Variants in TRHR observed in about 807,000 individuals in gnomAD.
The protein encoded by TRHR is thyrotropin releasing hormone receptor.
TRHR carries 14 observed loss-of-function variants against 28.0 expected under a neutral mutation model. The ratio of observed to expected loss-of-function variants is 0.50; its 90% CI spans 0.33 to 0.78. The LOEUF (loss-of-function observed/expected upper bound fraction) is 0.78, where lower values mean the gene tolerates loss of function less well. Ranked by LOEUF, TRHR falls within the 30% of genes least tolerant of loss-of-function variation. TRHR has a pLI of 0.02. For missense variants in TRHR, 438 were observed against 469.5 expected, an observed-to-expected ratio of 0.93 and a Z score of 0.62; for synonymous variants, 176 against 171.9, an observed-to-expected ratio of 1.02 and a Z score of -0.18.
intron 2 of TRHR, among the ~76,000 whole-genome samples, chr8:109,109,592 T>G (rs1811799533): frequency 6.6e-6 from 1 of 152,186 alleles, no homozygotes; most frequent in Admixed American, 6.5e-5. Flanking sequence ...TCATCTAGTT[T>G]TTTCCATTCT....
chr8:109,098,715 G>A (rs938683221), intron 2 of TRHR, among the ~76,000 whole-genome samples: 1 of 152,086 alleles, frequency 6.6e-6, no homozygotes, highest in Non-Finnish European at 1.5e-5. Flanking sequence ...CTGCAAGCCA[G>A]CATGCAGACT....
intron 2 of TRHR, among the ~76,000 whole-genome samples, chr8:109,099,647 A>G (rs1025019506): frequency 2.6e-5 from 4 of 152,234 alleles, no homozygotes; most frequent in Non-Finnish European, 4.4e-5. Flanking sequence ...GGCCACATAC[A>G]TATGCACATG....
chr8:109,104,454 C>G (rs564438924), intron 2 of TRHR, among the ~76,000 whole-genome samples: 6 of 152,218 alleles, frequency 3.9e-5, no homozygotes, highest in African/African-American at 1.4e-4. Flanking sequence ...ATGCTATGCA[C>G]AAAAGCCTTT....
intron 2 of TRHR, among the ~76,000 whole-genome samples, chr8:109,110,704 C>G (rs531921948): frequency 6.6e-6 from 1 of 152,282 alleles, no homozygotes; most frequent in African/African-American, 2.4e-5. Flanking sequence ...GGTCTTCCCA[C>G]CATGAATCAT....
At chr8:109,098,470 T>C (rs1327515227) in intron 2 of TRHR, among the ~76,000 whole-genome samples, 1 of 152,106 alleles carries the variant, frequency 6.6e-6, no homozygotes, top group East Asian at 1.9e-4. Flanking sequence ...CTCCAGTTCT[T>C]CTTCCAGGGT....
In TRHR at chr8:109,087,948, A is replaced by G. The variant is rs1224508452; in HGVS notation, c.436A>G (p.Ile146Val). The change falls in exon 2 of 3, where the codon ATC (isoleucine) becomes GTC (valine). Residue 146 changes from isoleucine to valine, a missense_variant. By Grantham distance (29) the Ile-to-Val change is conservative. Coordinates refer to ENST00000518632, the MANE Select transcript of TRHR (RefSeq NM_003301.7). The part of the protein sequence containing the change: ...LCTFSRAKKI[I>V]IFVWAFTSLY... ...CACATTTTCCAGAGCCAAAAAGATT[A>G]TCATCTTTGTCTGGGCTTTCACATC... 9 of 1,614,034 alleles carry G rather than the reference A, an allele frequency of 5.6e-6. No homozygotes were observed. The highest frequency in any genetic ancestry group is 7.6e-6 in the Non-Finnish European group (9 of 1,180,044).
chr8:109,094,449 A>G (rs1811559743), intron 2 of TRHR, among the ~76,000 whole-genome samples: 1 of 151,944 alleles, frequency 6.6e-6, no homozygotes, highest in Non-Finnish European at 1.5e-5. Flanking sequence ...TATTTATTCC[A>G]ATGTCTGGGT....
At chr8:109,111,729 T>C (rs975225075) in intron 2 of TRHR, among the ~76,000 whole-genome samples, 3 of 152,220 alleles carry the variant, frequency 2.0e-5, no homozygotes, top group Admixed American at 1.3e-4. Flanking sequence ...GTCAGGCATA[T>C]GTACTAAAGA....
intron 2 of TRHR, among the ~76,000 whole-genome samples, chr8:109,090,761 A>G (rs776881787): frequency 5.3e-5 from 8 of 152,334 alleles, no homozygotes; most frequent in Non-Finnish European, 1.0e-4. Flanking sequence ...TATTCCATGC[A>G]TAAAGGACAA....
At chr8:109,087,136 G>T (rs1367765285) in intron 1 of TRHR, among the ~76,000 whole-genome samples, 2 of 151,728 alleles carry the variant, frequency 1.3e-5, no homozygotes, top group African/African-American at 4.8e-5. Context: ...CAGATATTTA[G>T]TTTTTTTCAA....
intron 2 of TRHR, among the ~76,000 whole-genome samples, chr8:109,099,389 A>G (rs1811644461): frequency 6.6e-6 from 1 of 152,232 alleles, no homozygotes; most frequent in African/African-American, 2.4e-5. Flanking sequence ...CTCCTCTTGG[A>G]CATGGCTAGA....
At chr8:109,090,826 C>T (rs1200849846) in intron 2 of TRHR, among the ~76,000 whole-genome samples, 3 of 152,004 alleles carry the variant, frequency 2.0e-5, no homozygotes, top group Admixed American at 2.0e-4. Flanking sequence ...CAAGAAGGGG[C>T]ACATAGAGTG....
At chr8:109,096,105 C>T (rs1054945105) in intron 2 of TRHR, among the ~76,000 whole-genome samples, 2 of 152,208 alleles carry the variant, frequency 1.3e-5, no homozygotes, top group Admixed American at 1.3e-4. Flanking sequence ...TCCTTAGCGT[C>T]ACAAGTAAGA....
intron 2 of TRHR, among the ~76,000 whole-genome samples, chr8:109,108,339 G>A (rs1339726990): frequency 6.6e-6 from 1 of 152,140 alleles, no homozygotes; most frequent in Non-Finnish European, 1.5e-5. Context: ...GTAAGCAGCT[G>A]AGGAATCACT....
intron 2 of TRHR, among the ~76,000 whole-genome samples, chr8:109,103,224 T>A (rs1811703594): frequency 6.6e-6 from 1 of 152,164 alleles, no homozygotes; most frequent in Non-Finnish European, 1.5e-5. Context: ...GGTCTTTCCT[T>A]TATCAGCATT....
intron 2 of TRHR, among the ~76,000 whole-genome samples, chr8:109,090,513 T>C (rs772588313): frequency 2.0e-5 from 3 of 152,202 alleles, no homozygotes; most frequent in Non-Finnish European, 4.4e-5. Flanking sequence ...AGTTCCCTTG[T>C]TGCAAATACC....
chr8:109,088,615 A>G (rs1317487263), intron 2 of TRHR, among the ~76,000 whole-genome samples: 1 of 152,228 alleles, frequency 6.6e-6, no homozygotes, highest in African/African-American at 2.4e-5. Flanking sequence ...TGTTATCAGA[A>G]TATTTGGAGA....
chr8:109,091,734 A>G (rs1406627246), intron 2 of TRHR, among the ~76,000 whole-genome samples: 4 of 152,248 alleles, frequency 2.6e-5, no homozygotes, highest in Non-Finnish European at 5.9e-5. Flanking sequence ...CAGAGATTCA[A>G]TTATATTTTA....
chr8:109,110,238 G>A (rs1811810636), intron 2 of TRHR, among the ~76,000 whole-genome samples: 1 of 152,014 alleles, frequency 6.6e-6, no homozygotes, highest in Admixed American at 6.6e-5. Flanking sequence ...TAAAAATCCT[G>A]TCTGGGTACA....
Sources: gnomAD v4.1 joint callset for allele counts (sites outside exome capture counted in the v4.1 genomes callset) on GRCh38, gnomAD v4.1.1 for gene constraint, MANE v1.5 for transcripts, NCBI Gene and HGNC (gene_info 2026-07-23, HGNC 2026-07-21) for gene names.